COL4A4: variants seen among roughly 807,000 people sequenced by gnomAD.
COL4A4 encodes the protein collagen alpha-4(IV) chain.
In COL4A4, 105 loss-of-function variants were observed where a neutral mutation model predicts 192.9. That is an observed-to-expected ratio of 0.54 (90% CI 0.46 to 0.64). COL4A4 has a LOEUF of 0.64. COL4A4 is among the 30% of genes least tolerant of loss of function. COL4A4 has a pLI of 0.00. For synonymous variants in COL4A4, 762 were observed against 769.9 expected (o/e 0.99, Z 0.17); for missense variants, 1,967 against 2,169.3 (o/e 0.91, Z 1.85).
chr2:227,142,541 G>A (rs2063289879), intron 3 of COL4A4, among the ~76,000 whole-genome samples: 2 of 152,136 alleles, frequency 1.3e-5, no homozygotes, highest in Admixed American at 6.5e-5. Context: ...ATCACTTGAA[G>A]CCAGGAGTTC....
chr2:227,022,720 G>T (rs1966264946), intron 43 of COL4A4, among the ~76,000 whole-genome samples: 1 of 152,164 alleles, frequency 6.6e-6, no homozygotes, highest in East Asian at 1.9e-4. Flanking sequence ...ACTTATCCAG[G>T]GGAGTCATGG....
At position 227,152,566 on chromosome 2, in the gene COL4A4, C is replaced by G. The variant is rs367784007; in HGVS notation, c.-101-4982G>C. On this transcript the variant is annotated intron_variant, in intron 1 of 47. Transcript: ENST00000396625. Reference sequence around the variant, plus strand: ...TATGACTGTTCTCCTGCCTAAGATGCAACTGCTAGATCACAGCTGAGCAGA... The same window carrying G: ...TATGACTGTTCTCCTGCCTAAGATGGAACTGCTAGATCACAGCTGAGCAGA... Among the ~76,000 whole-genome samples the G allele has an allele frequency of 8.5e-5, 13 of 152,314 alleles. No homozygotes were observed. In the East Asian group the frequency reaches 1.4e-3, roughly 16 times the overall value.
intron 4 of COL4A4, 76 bp from the exon 5 acceptor site, chr2:227,121,224 A>G: frequency 1.3e-6 from 2 of 1,498,136 alleles, no homozygotes; most frequent in Non-Finnish European, 1.8e-6. Context: ...ATACTCATTC[A>G]GGCCTACAGA....
At chr2:226,988,998 G>A in the COL4A4 span, among the ~76,000 whole-genome samples, 583 of 152,342 alleles carry the variant, frequency 3.8e-3, 4 homozygotes, top group Non-Finnish European at 6.1e-3. Context: ...TCTCCAAGTC[G>A]TAATTGAGGC....
At chr2:227,089,787 C>T (rs1033084469) in intron 21 of COL4A4, 81 bp downstream of exon 21, 16 of 1,124,680 alleles carry the variant, frequency 1.4e-5, no homozygotes, top group Non-Finnish European at 2.0e-5. Flanking sequence ...GAATGAAATG[C>T]CACATTACAC....
chr2:227,106,814 C>G (rs142063480), intron 12 of COL4A4, among the ~76,000 whole-genome samples: 1,947 of 152,330 alleles, frequency 0.013, 47 homozygotes, highest in African/African-American at 0.044. Flanking sequence ...GATCCACCCA[C>G]CTCGGCCTCC....
chr2:226,995,818 G>A, the COL4A4 span: 30 of 380,728 alleles, frequency 7.9e-5, no homozygotes, highest in East Asian at 4.0e-4. Flanking sequence ...CCTCTGCCTC[G>A]GTCTGCTTTT....
chr2:227,068,670 T>C (rs2058509107), intron 25 of COL4A4, among the ~76,000 whole-genome samples: 1 of 150,786 alleles, frequency 6.6e-6, no homozygotes, highest in Non-Finnish European at 1.5e-5. Flanking sequence ...TTCAACAACT[T>C]TCATGCTAAA....
intron 25 of COL4A4, among the ~76,000 whole-genome samples, chr2:227,069,577 T>C (rs1181217857): frequency 6.6e-6 from 1 of 152,048 alleles, no homozygotes; most frequent in Non-Finnish European, 1.5e-5. Context: ...TATCTACAAC[T>C]ATCTGGTCTT....
chr2:227,097,982 A>G (rs151189250), intron 19 of COL4A4, among the ~76,000 whole-genome samples: 98 of 152,246 alleles, frequency 6.4e-4, no homozygotes, highest in Non-Finnish European at 8.1e-4. Context: ...TCAATTCCTA[A>G]TCTTACTAGG....
chr2:227,081,756 A>C (rs1235592431), intron 23 of COL4A4, among the ~76,000 whole-genome samples: 1 of 150,960 alleles, frequency 6.6e-6, no homozygotes, highest in Middle Eastern at 3.4e-3. Flanking sequence ...ACTTAAAAAA[A>C]CGATTTCAAG....
chr2:227,020,880 C>CTTTTTCTT (rs1553619614), intron 44 of COL4A4, among the ~76,000 whole-genome samples: 5 of 127,598 alleles, frequency 3.9e-5, no homozygotes, highest in African/African-American at 1.6e-4. Context: ...ACACTTTTTT[C>CTTTTTCTT]TTTTTTTTTT....
At chr2:227,141,853 A>C (rs1428299546) in intron 3 of COL4A4, among the ~76,000 whole-genome samples, 1 of 152,154 alleles carries the variant, frequency 6.6e-6, no homozygotes. Flanking sequence ...GGACAGCATG[A>C]AAGCACTTAA....
intron 8 of COL4A4, among the ~76,000 whole-genome samples, chr2:227,112,272 C>CTTTTT (rs544939081): frequency 6.9e-6 from 1 of 144,804 alleles, no homozygotes; most frequent in African/African-American, 2.5e-5. Flanking sequence ...ACATTTCAAC[C>CTTTTT]TTTTTTTTTT....
intron 3 of COL4A4, among the ~76,000 whole-genome samples, chr2:227,143,406 C>A (rs1345336575): frequency 1.3e-5 from 2 of 152,134 alleles, no homozygotes; most frequent in African/African-American, 4.8e-5. Flanking sequence ...ATGGGTAATA[C>A]CAAATCGCTT....
At chr2:227,009,721 GAAGAGAAGA>G (rs1245048118) in intron 46 of COL4A4, among the ~76,000 whole-genome samples, 4,725 of 49,474 alleles carry the variant, frequency 0.096, 231 homozygotes, top group African/African-American at 0.3. Context: ...GAGGAAAAGA[GAAGAGAAGA>G]GAAAAGAGAA....
At position 227,099,637 on chromosome 2, in the gene COL4A4, G is replaced by T. The variant is rs758324376; in HGVS notation, c.1082C>A (p.Pro361Gln). The T allele has an allele frequency of 6.2e-7, 1 of 1,614,020 alleles. No homozygotes were observed. ...ACACAAACCTTTGAGTGGAAGAGGT[G>T]GAGTCACCAAAACACCTGGTGGTCC... ...HPGPPGVLVT[P>Q]PLPLKGPPGD... The change falls in exon 18 of 48, where the codon CCA (proline) becomes CAA (glutamine). Residue 361 changes from proline (P) to glutamine (Q), a missense_variant. Physicochemically the swap from Pro to Gln is moderately conservative, Grantham distance 76. Coordinates refer to ENST00000396625, the MANE Select transcript of COL4A4 (RefSeq NM_000092.5).
intron 12 of COL4A4, among the ~76,000 whole-genome samples, chr2:227,106,125 G>GCT (rs1553686385): frequency 1.4e-5 from 2 of 148,106 alleles, no homozygotes; most frequent in Non-Finnish European, 3.0e-5. Context: ...TGTCTGTTTT[G>GCT]TTTTTTTTTC....
downstream of COL4A4, among the ~76,000 whole-genome samples, chr2:227,002,530 G>A (rs1013499183): frequency 3.9e-5 from 6 of 152,066 alleles, no homozygotes; most frequent in Non-Finnish European, 8.8e-5. Context: ...TCTTCTGCGC[G>A]CCATCACTGT....
Sources: gnomAD v4.1 joint callset for allele counts (sites outside exome capture counted in the v4.1 genomes callset) on GRCh38, gnomAD v4.1.1 for gene constraint, MANE v1.5 for transcripts, NCBI Gene and HGNC (gene_info 2026-07-23, HGNC 2026-07-21) for gene names.